Variants in FER observed in about 807,000 individuals in gnomAD.
The protein encoded by FER is FER tyrosine kinase.
In FER, 63 loss-of-function variants were observed where a neutral mutation model predicts 111.0. The ratio of observed to expected loss-of-function variants is 0.57; its 90% CI spans 0.46 to 0.70. The LOEUF is 0.70. FER is among the 30% of genes least tolerant of loss of function. The pLI, the probability that FER is intolerant of heterozygous loss-of-function variation, is 0.00. For synonymous variants in FER, 327 were observed against 313.9 expected (o/e 1.04, Z -0.44); for missense variants, 914 against 954.0 (o/e 0.96, Z 0.55).
Position 109,122,178 on chromosome 5 carries a change from T to G in FER, c.2048+21659T>G, listed in dbSNP as rs180841782. Among the ~76,000 whole-genome samples the G allele has an allele frequency of 8.3e-4, 126 of 152,234 alleles. 1 individual carries two copies. The highest frequency in any genetic ancestry group is 1.4e-3 in the Non-Finnish European group (92 of 67,980). ...CATCATTAAGTTGTTTATTTGAAAT[T>G]TTTCCACTTTGTTGATATAGGCCCT... On this transcript the variant is annotated intron_variant, in intron 17 of 19. Coordinates refer to ENST00000281092, the MANE Select transcript of FER (RefSeq NM_005246.4).
chr5:109,086,851 T>C (rs533805825), intron 16 of FER, among the ~76,000 whole-genome samples: 7 of 151,206 alleles, frequency 4.6e-5, no homozygotes, highest in Non-Finnish European at 7.4e-5. Context: ...TTTTAGAAGC[T>C]ACAAATTTAA....
chr5:108,814,802 A>T (rs542708856), intron 3 of FER, among the ~76,000 whole-genome samples: 2 of 152,116 alleles, frequency 1.3e-5, no homozygotes, highest in Non-Finnish European at 2.9e-5. Flanking sequence ...TCTGTTATTT[A>T]TAGTTATTTT....
intron 17 of FER, among the ~76,000 whole-genome samples, chr5:109,147,114 T>TG (rs1754309380): frequency 6.6e-6 from 1 of 151,854 alleles, no homozygotes; most frequent in African/African-American, 2.4e-5. Flanking sequence ...GAAAAGTGAT[T>TG]ACTCAGACTT....
chr5:108,771,632 C>T (rs553957578), intron 2 of FER, among the ~76,000 whole-genome samples: 1 of 152,138 alleles, frequency 6.6e-6, no homozygotes, highest in African/African-American at 2.4e-5. Context: ...ATGTTCAGTG[C>T]CACATCAAAA....
chr5:108,784,181 G>C (rs190125898), intron 2 of FER: 1 of 154,074 alleles, frequency 6.5e-6, no homozygotes, highest in African/African-American at 2.4e-5. Flanking sequence ...ACAGTTCCTG[G>C]ACAAGATCCT....
chr5:109,157,185 TTCTC>T (rs139523294), intron 17 of FER, among the ~76,000 whole-genome samples: 14,547 of 152,124 alleles, frequency 0.096, 815 homozygotes, highest in African/African-American at 0.16. Context: ...GACTTACTAT[TTCTC>T]AATCAATCAA....
rs571761547 is a variant in FER at position 109,090,970 on chromosome 5, A to T, written c.1925-9426A>T. 7.9e-5 allele frequency among the ~76,000 whole-genome samples: 12 copies of T among 152,300 alleles called. No homozygotes were observed. In the South Asian group the frequency reaches 2.5e-3, roughly 32 times the overall value. ...TTGAATGCTTCTAGGAAAATGTGAG[A>T]AGACAGATACAGATTAAAGATGAAA... On this transcript the variant is annotated intron_variant, in intron 16 of 19. Coordinates refer to ENST00000281092, the MANE Select transcript of FER (RefSeq NM_005246.4).
chr5:109,002,808 A>T (rs1426169217), intron 13 of FER, among the ~76,000 whole-genome samples: 2 of 152,260 alleles, frequency 1.3e-5, no homozygotes, highest in Admixed American at 6.5e-5. Flanking sequence ...GGCGAAGGAT[A>T]TGAACAGACA....
intron 1 of FER, among the ~76,000 whole-genome samples, chr5:108,751,401 A>T (rs181126605): frequency 6.6e-6 from 1 of 152,308 alleles, no homozygotes; most frequent in East Asian, 1.9e-4. Context: ...GGAAGTCATC[A>T]TCTTTGTAAT....
intron 11 of FER, among the ~76,000 whole-genome samples, chr5:108,950,970 A>G (rs940246474): frequency 2.6e-5 from 4 of 152,004 alleles, no homozygotes; most frequent in African/African-American, 9.7e-5. Context: ...ATGGAATTAA[A>G]AAAAAAATAA....
Position 108,888,502 on chromosome 5 carries a change from A to G in FER, c.1046+4984A>G, listed in dbSNP as rs1025833326. ...AGGAGATAGGCAGAAGATAACCTGC[A>G]TGTGAAGAATGCATGGAAAGAGTGT... On this transcript the variant is annotated intron_variant, in intron 9 of 19. Transcript: ENST00000281092. 4.3e-4 allele frequency among the ~76,000 whole-genome samples: 65 copies of G among 151,952 alleles called. 3 individuals are homozygous for G. Among genetic ancestry groups the G allele is most frequent in the Admixed American group, 6.6e-5 (1 of 15,192 alleles).
intron 3 of FER, among the ~76,000 whole-genome samples, chr5:108,805,371 G>A (rs1409248274): frequency 6.6e-6 from 1 of 152,138 alleles, no homozygotes; most frequent in African/African-American, 2.4e-5. Context: ...CCAGTCTCAG[G>A]TATCAGCAGC....
intron 13 of FER, among the ~76,000 whole-genome samples, chr5:109,025,402 C>T (rs1318084484): frequency 6.6e-6 from 1 of 152,026 alleles, no homozygotes; most frequent in Non-Finnish European, 1.5e-5. Context: ...GGAGTTCACT[C>T]ATGATTTGGC....
intron 5 of FER, among the ~76,000 whole-genome samples, chr5:108,850,738 A>G (rs532770736): frequency 6.6e-6 from 1 of 152,194 alleles, no homozygotes; most frequent in African/African-American, 2.4e-5. Flanking sequence ...AGGGCAGATC[A>G]TAATTGATTT....
chr5:109,099,615 A>G (rs975401710), intron 16 of FER, among the ~76,000 whole-genome samples: 1 of 151,534 alleles, frequency 6.6e-6, no homozygotes, highest in Non-Finnish European at 1.5e-5. Flanking sequence ...ACATATGTTG[A>G]TATGTTTTGG....
chr5:109,094,557 A>G (rs1189434608), intron 16 of FER, among the ~76,000 whole-genome samples: 1 of 152,126 alleles, frequency 6.6e-6, no homozygotes, highest in African/African-American at 2.4e-5. Flanking sequence ...ACAGTGGTTG[A>G]CAAATTTTTT....
At chr5:108,822,771 T>G (rs112145025) in intron 3 of FER, among the ~76,000 whole-genome samples, 4,473 of 145,532 alleles carry the variant, frequency 0.031, 217 homozygotes, top group African/African-American at 0.087. Flanking sequence ...TTATTTATTT[T>G]ATTTTATGTT....
chr5:108,912,852 G>A (rs752745549), intron 10 of FER, among the ~76,000 whole-genome samples: 8 of 152,208 alleles, frequency 5.3e-5, no homozygotes, highest in Non-Finnish European at 8.8e-5. Context: ...TAGCTATCAA[G>A]TGTGGTCTGA....
intron 16 of FER, among the ~76,000 whole-genome samples, chr5:109,066,137 C>T (rs940953513): frequency 6.6e-6 from 1 of 152,004 alleles, no homozygotes; most frequent in Non-Finnish European, 1.5e-5. Context: ...CTGTGTTTGT[C>T]TGCGTTAGTT....
Sources: allele counts gnomAD v4.1 joint callset (sites outside exome capture counted in the v4.1 genomes callset), GRCh38; gene constraint gnomAD v4.1.1; transcripts MANE v1.5; gene names NCBI Gene and HGNC (gene_info 2026-07-23, HGNC 2026-07-21).